The following NINL variants were observed in gnomAD, a reference collection of about 807,000 sequenced individuals.
NINL encodes ninein-like protein.
Under a neutral mutation model 160.3 loss-of-function variants are expected in NINL, and 153 were observed. The ratio of observed to expected loss-of-function variants is 0.95; its 90% CI spans 0.84 to 1.09. NINL has a LOEUF of 1.09. Among genes scored for constraint, NINL ranks in the 50% least tolerant of loss-of-function variants. NINL has a pLI of 0.00. For missense variants in NINL, 1,829 were observed against 1,764.0 expected, an observed-to-expected ratio of 1.04 and a Z score of -0.66; for synonymous variants, 800 against 734.8, an observed-to-expected ratio of 1.09 and a Z score of -1.43.
chr20:25,481,533 C>T (rs1425022448), intron 14 of NINL, among the ~76,000 whole-genome samples: 1 of 152,210 alleles, frequency 6.6e-6, no homozygotes, highest in Non-Finnish European at 1.5e-5. Context: ...TGCCTCCCTG[C>T]CTCAGTCAGA....
At chr20:25,510,833 G>T in intron 4 of NINL, 93 bp from the exon 5 acceptor site, 1 of 954,674 alleles carries the variant, frequency 1.0e-6, no homozygotes, top group Non-Finnish European at 1.6e-6. Flanking sequence ...GTTTGGGGAA[G>T]TGGGGGATGG....
At chr20:25,495,969 C>T (rs371839347) in intron 10 of NINL, among the ~76,000 whole-genome samples, 3 of 152,164 alleles carry the variant, frequency 2.0e-5, no homozygotes, top group African/African-American at 7.2e-5. Context: ...AATGGTGACA[C>T]CCCATCTCTA....
At chr20:25,498,790 T>C (rs1317487300) in intron 8 of NINL, among the ~76,000 whole-genome samples, 2 of 152,060 alleles carry the variant, frequency 1.3e-5, no homozygotes, top group Non-Finnish European at 2.9e-5. Flanking sequence ...CGTGGAGAGA[T>C]GGAGGGGGTC....
At position 25,476,888 on chromosome 20, in the gene NINL, C is replaced by T. The variant is rs1196261517; in HGVS notation, c.2403G>A (p.Ser801=). The T allele has an allele frequency of 5.6e-6, 9 of 1,613,282 alleles. No individual in the cohort carries two copies. The highest frequency in any genetic ancestry group is 7.6e-6 in the Non-Finnish European group (9 of 1,179,880). Residue 801 remains serine (S), a synonymous_variant, in exon 17 of 24, where the codon TCG becomes TCA. Transcript: ENST00000278886. ...ASEKRAQMCV[S]LALEEEELEL... The stretch of plus-strand genomic sequence containing the variant: ...CCAACTCCTCCTCCTCGAGGGCCAA[C>T]GATACGCACATCTGGGCGCGCTTCT...
intron 1 of NINL, among the ~76,000 whole-genome samples, chr20:25,548,623 G>T (rs545858705): frequency 7.3e-5 from 11 of 149,984 alleles, no homozygotes; most frequent in Non-Finnish European, 1.6e-4. Flanking sequence ...GAGCACCTAC[G>T]GCCACACGTC....
intron 20 of NINL, 80 bp downstream of exon 20, chr20:25,462,301 CGT>C: frequency 1.5e-6 from 2 of 1,345,396 alleles, no homozygotes; most frequent in Non-Finnish European, 2.0e-6. Flanking sequence ...CTCCTCAGCG[CGT>C]GTCCTGACCT....
intron 1 of NINL, among the ~76,000 whole-genome samples, chr20:25,547,387 A>G (rs2064748026): frequency 6.6e-6 from 1 of 152,188 alleles, no homozygotes; most frequent in Non-Finnish European, 1.5e-5. Flanking sequence ...TTTGCAAGCC[A>G]CACTATCAGA....
chr20:25,578,236 T>C (rs1181259322), intron 1 of NINL, among the ~76,000 whole-genome samples: 1 of 151,750 alleles, frequency 6.6e-6, no homozygotes, highest in Non-Finnish European at 1.5e-5. Flanking sequence ...GCCTCTGGCG[T>C]AGCTGGGATT....
chr20:25,504,806 G>T, intron 6 of NINL, 82 bp downstream of exon 6: 1 of 1,416,896 alleles, frequency 7.1e-7, no homozygotes, highest in South Asian at 1.2e-5. Flanking sequence ...AGTGGCTGAA[G>T]GGTAGAGGGG....
At chr20:25,578,052 G>C (rs1290954784) in intron 1 of NINL, among the ~76,000 whole-genome samples, 1 of 149,696 alleles carries the variant, frequency 6.7e-6, no homozygotes, top group Non-Finnish European at 1.5e-5. Context: ...GGCTGGTCTT[G>C]AACTCTCAAC....
rs2063851285 is a variant in NINL at position 25,500,776 on chromosome 20, C to T, written c.1032+64G>A. On this transcript the variant is annotated intron_variant, in intron 8 of 23. Transcript: ENST00000278886. ...CCTGGCTTGGGACGCTCCATCCATC[C>T]TCCTCTGCAGCAGACGGGCCCCCCA... is the stretch of plus-strand genomic sequence containing the variant. 7 of 1,557,706 alleles carry T rather than the reference C, an allele frequency of 4.5e-6. No individual in the cohort carries two copies. The African/African-American group carries it at 8.1e-5, about 18-fold the overall frequency.
At chr20:25,470,142 TGTG>T (rs2063060100) in intron 17 of NINL, 47 bp from the exon 18 acceptor site, 4 of 1,485,008 alleles carry the variant, frequency 2.7e-6, no homozygotes, top group Non-Finnish European at 3.8e-6. Context: ...GGGAGCCACA[TGTG>T]GTCACGGAGG....
At chr20:25,496,918 T>C (rs2063767457) in intron 9 of NINL, 115 bp from the exon 10 acceptor site, 18 of 1,365,796 alleles carry the variant, frequency 1.3e-5, no homozygotes, top group South Asian at 2.8e-5. Context: ...ACACCAACTA[T>C]ACAGCGGGCA....
chr20:25,568,906 T>A (rs560177372), intron 1 of NINL, among the ~76,000 whole-genome samples: 81 of 151,238 alleles, frequency 5.4e-4, no homozygotes, highest in Admixed American at 5.1e-3. Context: ...GGGCAACACA[T>A]TGAGACCCCT....
chr20:25,479,090 G>A lies in NINL; in HGVS notation c.2034C>T (p.Asp678=), dbSNP rs149957402. 12 of 1,613,472 alleles carry A rather than the reference G, an allele frequency of 7.4e-6. No individual in the cohort carries two copies. In the African/African-American group the frequency reaches 1.2e-4, roughly 16 times the overall value. The change falls in exon 16 of 24, where the codon GAC becomes GAT. Residue 678 remains aspartate, a synonymous_variant. Transcript: ENST00000278886. The stretch of plus-strand genomic sequence containing the variant: ...GAGACTTCTCGTGGAGCTCCTCCAG[G>A]TCGGCCTTCTGACCCTCCAGCACGC... ...EVSVLEGQKA[D]LEELHEKSQE... is the part of the protein sequence containing the mutation.
chr20:25,476,165 T>C lies in NINL; in HGVS notation c.3126A>G (p.Pro1042=), dbSNP rs927949065. ...GCGCTATTTTGGTCTCCCCCTCTTC[T>C]GGGGCAGCAAGCTGCTCCTGCCAGG... ...QGSWQEQLAA[P]EEGETKIALE... The change falls in exon 17 of 24, where the codon CCA becomes CCG. Residue 1042 remains proline (P), a synonymous_variant. Transcript: ENST00000278886. The C allele has an allele frequency of 3.1e-6, 5 of 1,614,096 alleles. No homozygotes were observed. The African/African-American group carries it at 6.7e-5, about 22-fold the overall frequency.
At chr20:25,577,876 A>T (rs193276541) in intron 1 of NINL, among the ~76,000 whole-genome samples, 13 of 149,272 alleles carry the variant, frequency 8.7e-5, no homozygotes, top group African/African-American at 2.5e-4. Context: ...CTCGTTGCCC[A>T]GGCTGGAATG....
chr20:25,485,886 T>G (rs1433075676), intron 13 of NINL, among the ~76,000 whole-genome samples: 3 of 152,262 alleles, frequency 2.0e-5, no homozygotes, highest in Non-Finnish European at 4.4e-5. Context: ...CATCCTTGAC[T>G]CTGAAACATT....
chr20:25,482,050 C>T lies in NINL; in HGVS notation c.1728G>A (p.Trp576Ter), dbSNP rs1395630796. The part of the protein sequence containing the change: ...DELQAELEGL[W>*]ARLPKNRHSP... ...TGTGCCGGTTCTTGGGCAGCCGCGC[C>T]CACAGGCCTTCCAGCTCAGCTTGCA... is the stretch of plus-strand genomic sequence containing the variant. The change falls in exon 14 of 24, where the codon TGG becomes TGA. Residue 576 changes from tryptophan to a stop codon, truncating the protein, a stop_gained. Transcript: ENST00000278886. LOFTEE classifies it high-confidence loss of function. The T allele has an allele frequency of 1.3e-6, 2 of 1,598,386 alleles. No homozygotes were observed. The highest frequency in any genetic ancestry group is 2.2e-5 in the South Asian group (2 of 91,050).
Sources: gnomAD v4.1 joint callset for allele counts (sites outside exome capture counted in the v4.1 genomes callset) on GRCh38, gnomAD v4.1.1 for gene constraint, MANE v1.5 for transcripts, NCBI Gene and HGNC (gene_info 2026-07-23, HGNC 2026-07-21) for gene names.